The following NT5C1B variants were observed in gnomAD, a reference collection of about 807,000 sequenced individuals.
NT5C1B encodes cytosolic 5'-nucleotidase 1B.
NT5C1B carries 44 observed loss-of-function variants against 57.8 expected under a neutral mutation model. That is an observed-to-expected ratio of 0.76 (90% CI 0.60 to 0.98). The LOEUF is 0.98. Ranked by LOEUF, NT5C1B falls within the 50% of genes least tolerant of loss-of-function variation. The pLI is 0.00. For synonymous variants in NT5C1B, 284 were observed against 282.6 expected, an observed-to-expected ratio of 1.00 and a Z score of -0.05; for missense variants, 742 against 719.5, an observed-to-expected ratio of 1.03 and a Z score of -0.36.
chr2:18,571,815 A>G (rs1665217230), intron 8 of NT5C1B, among the ~76,000 whole-genome samples: 1 of 146,718 alleles, frequency 6.8e-6, no homozygotes, highest in South Asian at 2.1e-4. Context: ...CCTAAGAAAT[A>G]CTATAGCCAG....
At chr2:18,564,021 A>G (rs779119027) in exon 9 of NT5C1B, 1 of 1,613,990 alleles carries the variant, frequency 6.2e-7, no homozygotes, top group Non-Finnish European at 8.5e-7. Context: ...TCCTAGCTGT[A>G]ACCAGGTAGG....
intron 8 of NT5C1B, among the ~76,000 whole-genome samples, chr2:18,568,209 C>A (rs1664829139): frequency 6.6e-6 from 1 of 151,394 alleles, no homozygotes; most frequent in Admixed American, 6.6e-5. Context: ...TACTAAGGAC[C>A]AAAGATACAA....
At chr2:18,578,750 C>T (rs1169273385) in intron 6 of NT5C1B, among the ~76,000 whole-genome samples, 1 of 152,104 alleles carries the variant, frequency 6.6e-6, no homozygotes, top group South Asian at 2.1e-4. Flanking sequence ...CAAGGATGCC[C>T]ACTCTCACCA....
intron 5 of NT5C1B, chr2:18,583,820 G>C (rs1446414217): frequency 9.4e-5 from 61 of 648,644 alleles, no homozygotes; most frequent in Non-Finnish European, 1.5e-5. Context: ...CTTCGAGGGA[G>C]AGAGGTTTCT....
exon 8 of NT5C1B, chr2:18,576,320 C>T (rs769815896): frequency 6.2e-7 from 1 of 1,613,544 alleles, no homozygotes; most frequent in African/African-American, 1.3e-5. Flanking sequence ...CTGAGTGTCA[C>T]AGTAAGCCAT....
At chr2:18,567,324 G>GA (rs1406211216) in intron 8 of NT5C1B, among the ~76,000 whole-genome samples, 1 of 152,170 alleles carries the variant, frequency 6.6e-6, no homozygotes, top group African/African-American at 2.4e-5. Context: ...CATGAGTAAA[G>GA]ATCCACTGTT....
chr2:18,565,630 A>C (rs777442260), intron 8 of NT5C1B, among the ~76,000 whole-genome samples: 1 of 152,238 alleles, frequency 6.6e-6, no homozygotes, highest in Admixed American at 6.5e-5. Flanking sequence ...CTTCATTTTG[A>C]AGCCCAGTAA....
Position 18,584,631 on chromosome 2 carries a change from G to A in NT5C1B, c.606C>T (p.Asn202=), listed in dbSNP as rs1180556978. 36 of 1,613,050 alleles carry A rather than the reference G, an allele frequency of 2.2e-5. No homozygotes were observed. Among genetic ancestry groups the A allele is most frequent in the Non-Finnish European group, 2.9e-5 (34 of 1,179,700 alleles). Residue 202 remains asparagine (N), a synonymous_variant, in exon 4 of 9, where the codon AAC becomes AAT. Transcript: ENST00000304081. The surrounding 1 kb of genome is among the most constrained non-coding windows in gnomAD (Gnocchi z 5.8). ...GCTGCTGCTGCTGCTCGGACAGAGAGTTGCGGTCCAGCTGGGTGGAGGCGG... is the reference window on the plus strand; with the variant it reads ...GCTGCTGCTGCTGCTCGGACAGAGAATTGCGGTCCAGCTGGGTGGAGGCGG...
chr2:18,589,387 T>C (rs1307566275), intron 1 of NT5C1B, 52 bp downstream of exon 1: 3 of 1,612,180 alleles, frequency 1.9e-6, no homozygotes, highest in South Asian at 1.1e-5. Flanking sequence ...TGGACTGATA[T>C]CCACATTTCT....
At chr2:18,563,971 C>T (rs762950541) in exon 9 of NT5C1B, 19 of 1,614,066 alleles carry the variant, frequency 1.2e-5, no homozygotes, top group East Asian at 6.7e-5. Context: ...ACCCCAGCGT[C>T]GAAGGGTCTT....
exon 1 of NT5C1B, chr2:18,589,544 G>GCTCAGT (rs1191802611): frequency 1.2e-6 from 2 of 1,603,424 alleles, no homozygotes; most frequent in Non-Finnish European, 1.7e-6. Context: ...CACTTCCCTT[G>GCTCAGT]CTCAGTCTAG....
rs1220768930 is a variant in NT5C1B at position 18,576,467 on chromosome 2, C to T, written c.1145-99G>A. ...AATTCTCCCAGACCTTATGTTTTCT[C>T]TCTAGCTATTACCTGATGGCTCAAC... On this transcript the variant is annotated intron_variant, in intron 7 of 8. Coordinates refer to ENST00000304081, the Ensembl canonical transcript of NT5C1B. 5.5e-6 allele frequency: 8 copies of T among 1,443,356 alleles called. No individual in the cohort carries two copies. In the Admixed American group the frequency reaches 1.1e-4, roughly 20 times the overall value. The allele number at this position is 1,443,356 out of a possible 1,614,324, so 89.4% of individuals were successfully genotyped here.
exon 7 of NT5C1B, chr2:18,576,785 C>T: frequency 6.2e-7 from 1 of 1,613,676 alleles, no homozygotes; most frequent in Non-Finnish European, 8.5e-7. Context: ...TCTTGTATTG[C>T]CTCTTGCACT....
chr2:18,577,367 G>C (rs138668394), intron 6 of NT5C1B, among the ~76,000 whole-genome samples: 1 of 144,614 alleles, frequency 6.9e-6, no homozygotes, highest in East Asian at 2.0e-4. Flanking sequence ...TTAAGATGTG[G>C]CTCTCGAGAT....
chr2:18,587,338 C>T, intron 2 of NT5C1B, 165 bp downstream of exon 2: 1 of 985,414 alleles, frequency 1.0e-6, no homozygotes, highest in South Asian at 4.7e-5. Context: ...GAAGGCAGGG[C>T]CCAACCTTTC....
Position 18,572,083 on chromosome 2 carries a change from CAAA to C in NT5C1B, c.1329+4098_1329+4100del, listed in dbSNP as rs34186303. On this transcript the variant is annotated intron_variant, in intron 8 of 8. Transcript: ENST00000304081. ...ACTGGGCGACAGAGCGAGACTCTGTCAAAAAAAAAAAAAAAAAAAAGAACTACT... is the reference window on the plus strand; with the variant it reads ...ACTGGGCGACAGAGCGAGACTCTGTCAAAAAAAAAAAAAAAAAGAACTACT... Among the ~76,000 whole-genome samples the C allele has an allele frequency of 2.7e-3, 262 of 97,406 alleles. 2 individuals are homozygous for C. The highest frequency in any genetic ancestry group is 3.3e-3 in the Admixed American group (31 of 9,424). 63.9% of individuals were successfully genotyped at this position (97,406 alleles called of 152,430 possible).
intron 6 of NT5C1B, among the ~76,000 whole-genome samples, chr2:18,578,929 A>C (rs1665940049): frequency 6.6e-6 from 1 of 152,204 alleles, no homozygotes; most frequent in Non-Finnish European, 1.5e-5. Context: ...TAGCTCTGAT[A>C]ATAACTTCAG....
At chr2:18,577,456 C>G (rs1399670470) in intron 6 of NT5C1B, among the ~76,000 whole-genome samples, 1 of 139,034 alleles carries the variant, frequency 7.2e-6, no homozygotes, top group African/African-American at 2.7e-5. Flanking sequence ...GGCTCTATCT[C>G]AAAACCATAC....
At chr2:18,567,725 C>T (rs139809525) in intron 8 of NT5C1B, among the ~76,000 whole-genome samples, 1 of 152,196 alleles carries the variant, frequency 6.6e-6, no homozygotes, top group African/African-American at 2.4e-5. Context: ...CACAGTAAAA[C>T]AGAACAAAAC....
Sources: allele counts gnomAD v4.1 joint callset (sites outside exome capture counted in the v4.1 genomes callset), GRCh38; gene constraint gnomAD v4.1.1; non-coding constraint Gnocchi (gnomAD v3.1); transcripts MANE v1.5; gene names NCBI Gene and HGNC (gene_info 2026-07-23, HGNC 2026-07-21).